Variants in CECR2 observed in about 807,000 individuals in gnomAD.
The protein encoded by CECR2 is chromatin remodeling regulator CECR2.
Under a neutral mutation model 154.5 loss-of-function variants are expected in CECR2, and 30 were observed. That is an observed-to-expected ratio of 0.19 (90% CI 0.15 to 0.26). The LOEUF (loss-of-function observed/expected upper bound fraction) is 0.26. Among genes scored for constraint, CECR2 ranks in the 10% least tolerant of loss-of-function variants. The pLI, the probability that CECR2 is intolerant of heterozygous loss-of-function variation, is 1.00. For synonymous variants in CECR2, 725 were observed against 683.7 expected, an observed-to-expected ratio of 1.06 and a Z score of -0.94; for missense variants, 1,743 against 1,829.3, an observed-to-expected ratio of 0.95 and a Z score of 0.86.
At chr22:17,406,454 C>T (rs1306382490) in intron 1 of CECR2, among the ~76,000 whole-genome samples, 4 of 152,264 alleles carry the variant, frequency 2.6e-5, no homozygotes, top group South Asian at 4.1e-4. Flanking sequence ...ACCCAGGAGG[C>T]GGAGGTTGCA....
chr22:17,429,570 A>AG (rs1461067707), intron 1 of CECR2, among the ~76,000 whole-genome samples: 8 of 151,824 alleles, frequency 5.3e-5, no homozygotes, highest in African/African-American at 1.7e-4. Flanking sequence ...AGAAAAGAAA[A>AG]GAAAAAAGAG....
chr22:17,435,469 T>C (rs926568576), intron 1 of CECR2, among the ~76,000 whole-genome samples: 23 of 152,084 alleles, frequency 1.5e-4, no homozygotes, highest in South Asian at 1.5e-3. Context: ...AATTGCTGAT[T>C]AGAATTCACA....
chr22:17,404,954 T>C (rs2053959078), intron 1 of CECR2, among the ~76,000 whole-genome samples: 1 of 152,192 alleles, frequency 6.6e-6, no homozygotes. Flanking sequence ...TTAACACTAT[T>C]GAGTCTTCTG....
chr22:17,366,879 C>A (rs368966923), upstream of CECR2, among the ~76,000 whole-genome samples: 3 of 152,220 alleles, frequency 2.0e-5, no homozygotes, highest in East Asian at 5.8e-4. Flanking sequence ...AGGATCCGTT[C>A]CAGAGGGTAG....
chr22:17,410,812 A>G (rs1403952126), intron 1 of CECR2, among the ~76,000 whole-genome samples: 1 of 152,210 alleles, frequency 6.6e-6, no homozygotes, highest in South Asian at 2.1e-4. Flanking sequence ...GTCTCTGCCT[A>G]GGTAATTTAT....
intron 1 of CECR2, among the ~76,000 whole-genome samples, chr22:17,416,189 A>T (rs758391815): frequency 2.0e-5 from 3 of 152,250 alleles, no homozygotes; most frequent in Non-Finnish European, 2.9e-5. Context: ...ATATGTTCGC[A>T]TATATAGAGT....
intron 8 of CECR2, among the ~76,000 whole-genome samples, chr22:17,513,343 G>T (rs975740367): frequency 1.3e-5 from 2 of 152,140 alleles, no homozygotes; most frequent in African/African-American, 2.4e-5. Context: ...TTTTACTCTG[G>T]ACCATGTCTT....
chr22:17,407,999 T>G (rs1331861944), intron 1 of CECR2, among the ~76,000 whole-genome samples: 1 of 152,190 alleles, frequency 6.6e-6, no homozygotes, highest in Non-Finnish European at 1.5e-5. Flanking sequence ...TTGTTGGTGA[T>G]CCCCTCTAAA....
Position 17,378,158 on chromosome 22 carries a change from TG to T in CECR2, c.126+8250del, listed in dbSNP as rs1417981326. Among the ~76,000 whole-genome samples, 9 of 150,934 alleles carry T rather than the reference TG, an allele frequency of 6.0e-5. No homozygotes were observed. The East Asian group carries it at 1.8e-3, about 29-fold the overall frequency. On this transcript the variant is annotated intron_variant, in intron 1 of 18. Coordinates refer to ENST00000262608, the MANE Select transcript of CECR2 (RefSeq NM_001290047.2). Reference sequence around the variant, plus strand: ...ACCACCACGCCCGGCTAATTTTTTGTGTTTTTAGTAGAGACGGGGTTTCACC... The same window carrying T: ...ACCACCACGCCCGGCTAATTTTTTGTTTTTTAGTAGAGACGGGGTTTCACC...
rs114852740 is a variant in CECR2, at chr22:17,505,591, C to T, written c.870+575C>T. 5.8e-3 allele frequency among the ~76,000 whole-genome samples: 782 copies of T among 133,832 alleles called. 8 individuals carry two copies. The highest frequency in any genetic ancestry group is 0.021 in the African/African-American group (710 of 34,494). The allele number at this position is 133,832 out of a possible 152,430, so 87.8% of individuals were successfully genotyped here. On this transcript the variant is annotated intron_variant, in intron 7 of 18. Coordinates refer to ENST00000262608, the MANE Select transcript of CECR2 (RefSeq NM_001290047.2). ...CTCTGTCTCCCAGGCTGCAGTGCAG[C>T]GGTGCAATCTGAGTTCACTGCAACC...
At chr22:17,421,614 C>CAAA (rs34156323) in intron 1 of CECR2, among the ~76,000 whole-genome samples, 1,088 of 23,372 alleles carry the variant, frequency 0.047, 159 homozygotes, top group African/African-American at 0.12. Flanking sequence ...GACTCCGTCT[C>CAAA]AAAAAAAAAA....
intron 2 of CECR2, among the ~76,000 whole-genome samples, chr22:17,495,903 G>A (rs1192332067): frequency 2.7e-5 from 4 of 149,374 alleles, no homozygotes; most frequent in African/African-American, 9.8e-5. Context: ...ACACCTGGAT[G>A]TGGTAAGACG....
chr22:17,379,608 G>T (rs2063162665), intron 1 of CECR2, among the ~76,000 whole-genome samples: 1 of 151,758 alleles, frequency 6.6e-6, no homozygotes, highest in South Asian at 2.1e-4. Context: ...GTGTGTGTGT[G>T]TGTGTGTGTG....
intron 9 of CECR2, chr22:17,524,963 G>GA: frequency 7.2e-6 from 2 of 278,440 alleles, no homozygotes; most frequent in South Asian, 2.8e-5. Flanking sequence ...CACTGTGCCT[G>GA]CCCACATTAA....
At chr22:17,403,659 G>A (rs913272691) in intron 1 of CECR2, among the ~76,000 whole-genome samples, 3 of 152,022 alleles carry the variant, frequency 2.0e-5, no homozygotes, top group African/African-American at 7.2e-5. Context: ...CATTAATAAT[G>A]TTCACCTTTT....
chr22:17,482,839 C>T (rs2055351737), intron 2 of CECR2, among the ~76,000 whole-genome samples: 3 of 151,360 alleles, frequency 2.0e-5, no homozygotes, highest in African/African-American at 7.3e-5. Flanking sequence ...CACCACCACA[C>T]CTTGCTACTT....
upstream of CECR2, chr22:17,369,256 G>C (rs1242736020): frequency 1.3e-5 from 2 of 151,822 alleles, no homozygotes; most frequent in African/African-American, 4.8e-5. Flanking sequence ...GAGAGTTCTC[G>C]GGGGTGCGGC....
chr22:17,385,821 G>C (rs1274008382), intron 1 of CECR2, among the ~76,000 whole-genome samples: 2 of 152,210 alleles, frequency 1.3e-5, no homozygotes, highest in Non-Finnish European at 2.9e-5. Context: ...GCCTGTATTA[G>C]AGCGGAAGGG....
chr22:17,377,131 C>G (rs147379315), intron 1 of CECR2, among the ~76,000 whole-genome samples: 2 of 152,166 alleles, frequency 1.3e-5, no homozygotes, highest in East Asian at 3.9e-4. Flanking sequence ...CTTAACTAAT[C>G]TAGAAAATTG....
Sources: gnomAD v4.1 joint callset for allele counts (sites outside exome capture counted in the v4.1 genomes callset) on GRCh38, gnomAD v4.1.1 for gene constraint, MANE v1.5 for transcripts, NCBI Gene and HGNC (gene_info 2026-07-23, HGNC 2026-07-21) for gene names.